The following MRPS18A variants were observed in gnomAD, a reference collection of about 807,000 sequenced individuals.
MRPS18A encodes the protein mitochondrial ribosomal protein S18A.
Under a neutral mutation model 22.7 loss-of-function variants are expected in MRPS18A, and 20 were observed. That is an observed-to-expected ratio of 0.88 (90% CI 0.62 to 1.28). MRPS18A has a LOEUF of 1.28. MRPS18A is among the 50% of genes most tolerant of loss of function. The pLI, the probability that MRPS18A is intolerant of heterozygous loss-of-function variation, is 0.00. For synonymous variants in MRPS18A, 106 were observed against 99.1 expected (o/e 1.07, Z -0.41); for missense variants, 294 against 262.6 (o/e 1.12, Z -0.83).
At chr6:43,674,044 G>A (rs573858363) in intron 5 of MRPS18A, among the ~76,000 whole-genome samples, 2 of 152,346 alleles carry the variant, frequency 1.3e-5, no homozygotes, top group South Asian at 4.1e-4. Flanking sequence ...GAAGAGGTTA[G>A]CATGTCCTGC....
intron 1 of MRPS18A, among the ~76,000 whole-genome samples, chr6:43,681,984 C>T (rs761924095): frequency 3.3e-5 from 5 of 152,216 alleles, no homozygotes; most frequent in Non-Finnish European, 7.3e-5. Flanking sequence ...GAGATACTCC[C>T]GTGTTGACAC....
In MRPS18A at chr6:43,681,241, G is replaced by T. The variant is rs903988326; in HGVS notation, c.113-121C>A. The T allele has an allele frequency of 5.0e-6, 5 of 992,474 alleles. No homozygotes were observed. In the African/African-American group the frequency reaches 6.5e-5, roughly 13 times the overall value. The allele number at this position is 992,474 out of a possible 1,614,324, so 61.5% of individuals were successfully genotyped here. A position where few individuals can be genotyped will look rare whatever the true frequency, so the allele number is the denominator to read the frequency against. ...AGCCTTCCATCTGTACTCTCTCATG[G>T]TCTCCACCTAGAACAGAAAGCATGC... On this transcript the variant is annotated intron_variant, in intron 1 of 5. Coordinates refer to ENST00000372133, the MANE Select transcript of MRPS18A (RefSeq NM_018135.4).
At chr6:43,686,428 C>CT (rs571726954) in intron 1 of MRPS18A, among the ~76,000 whole-genome samples, 42 of 152,252 alleles carry the variant, frequency 2.8e-4, no homozygotes, top group Admixed American at 2.1e-3. Context: ...AATATCCAGA[C>CT]TTTTTTTTCT....
intron 5 of MRPS18A, chr6:43,672,124 G>C: frequency 1.6e-6 from 1 of 607,298 alleles, no homozygotes; most frequent in Non-Finnish European, 2.9e-6. Context: ...TGTGTGGCCA[G>C]GTTCAGGCAG....
intron 5 of MRPS18A, among the ~76,000 whole-genome samples, chr6:43,674,110 G>A (rs1226375462): frequency 6.6e-6 from 1 of 152,212 alleles, no homozygotes; most frequent in Non-Finnish European, 1.5e-5. Context: ...CACAGGTAGA[G>A]ATGGGCACAC....
chr6:43,672,655 C>T (rs1038103607), intron 5 of MRPS18A: 2 of 277,892 alleles, frequency 7.2e-6, no homozygotes, highest in African/African-American at 4.4e-5. Context: ...CAGGAATCCT[C>T]CCCTGCCTCC....
chr6:43,687,645 G>C lies in MRPS18A; in HGVS notation c.112+23C>G, dbSNP rs779127563. The C allele has an allele frequency of 4.3e-6, 5 of 1,174,414 alleles. No individual in the cohort carries two copies. In the African/African-American group the frequency reaches 8.2e-5, roughly 19 times the overall value. The allele number at this position is 1,174,414 out of a possible 1,614,324, so 72.7% of individuals were successfully genotyped here. On this transcript the variant is annotated intron_variant, in intron 1 of 5. Transcript: ENST00000372133. ...TCTGCCGCTCTTCTTAATTTCAGGA[G>C]GTTGCTGGGACGCATGACTCACCTT...
chr6:43,686,209 T>A (rs969077367), intron 1 of MRPS18A, among the ~76,000 whole-genome samples: 2 of 152,258 alleles, frequency 1.3e-5, no homozygotes, highest in Non-Finnish European at 2.9e-5. Context: ...TCTGGAAGCA[T>A]AGCAAAATCT....
chr6:43,682,687 C>G (rs1005993612), intron 1 of MRPS18A, among the ~76,000 whole-genome samples: 2 of 152,176 alleles, frequency 1.3e-5, no homozygotes, highest in Non-Finnish European at 1.5e-5. Flanking sequence ...CAGACCAACC[C>G]AAGAATGGGA....
intron 3 of MRPS18A, among the ~76,000 whole-genome samples, chr6:43,676,580 A>T (rs1397105085): frequency 6.6e-6 from 1 of 152,110 alleles, no homozygotes; most frequent in East Asian, 1.9e-4. Flanking sequence ...AAGACAAGGG[A>T]CCACCTCCCT....
Position 43,671,337 on chromosome 6 carries a change from A to C in MRPS18A, c.*425T>G. 2.5e-6 allele frequency: 1 copy of C among 405,272 alleles called. No homozygotes were observed. Among genetic ancestry groups the C allele is most frequent in the East Asian group, 5.1e-5 (1 of 19,644 alleles). The allele number at this position is 405,272 out of a possible 1,614,324, so 25.1% of individuals were successfully genotyped here. On this transcript the variant is annotated 3_prime_UTR_variant, in exon 6 of 6. Transcript: ENST00000372133. ...AGGATGGGACCTGTTTGGCCCATGA[A>C]TTCAATTGACTCATTGGCCCCATCA...
intron 3 of MRPS18A, among the ~76,000 whole-genome samples, chr6:43,676,916 A>C (rs1403219808): frequency 1.3e-5 from 2 of 152,190 alleles, no homozygotes; most frequent in African/African-American, 4.8e-5. Context: ...ATCCAGGGCT[A>C]ATCAACTGGG....
intron 1 of MRPS18A, among the ~76,000 whole-genome samples, chr6:43,685,105 T>A (rs2127954354): frequency 6.6e-6 from 1 of 152,292 alleles, no homozygotes; most frequent in East Asian, 1.9e-4. Flanking sequence ...TCCAACTCCA[T>A]CACTTATTAG....
chr6:43,682,282 G>C (rs1183157384), intron 1 of MRPS18A, among the ~76,000 whole-genome samples: 2 of 152,178 alleles, frequency 1.3e-5, no homozygotes, highest in Non-Finnish European at 2.9e-5. Flanking sequence ...CTGAGGGACA[G>C]AGCGAGACCC....
At chr6:43,682,643 G>A (rs1273949261) in intron 1 of MRPS18A, among the ~76,000 whole-genome samples, 3 of 152,158 alleles carry the variant, frequency 2.0e-5, no homozygotes, top group African/African-American at 7.2e-5. Flanking sequence ...AAGAAAATGG[G>A]TCACCCCACA....
intron 2 of MRPS18A, among the ~76,000 whole-genome samples, chr6:43,679,374 T>C (rs1774257260): frequency 6.6e-6 from 1 of 152,210 alleles, no homozygotes; most frequent in Non-Finnish European, 1.5e-5. Context: ...GCACTCGTTC[T>C]CTCTTTACAA....
intron 2 of MRPS18A, among the ~76,000 whole-genome samples, chr6:43,680,242 G>GGC (rs1554150901): frequency 3.0e-5 from 3 of 100,262 alleles, no homozygotes; most frequent in Non-Finnish European, 6.2e-5. Flanking sequence ...TAAGGGGATT[G>GGC]GGGGGGGTCC....
intron 3 of MRPS18A, among the ~76,000 whole-genome samples, chr6:43,676,642 G>A (rs1774067517): frequency 6.6e-6 from 1 of 152,162 alleles, no homozygotes; most frequent in African/African-American, 2.4e-5. Context: ...AGGAGTTCGA[G>A]ACCAGCCTGA....
Position 43,671,278 on chromosome 6 carries a change from C to T in MRPS18A, c.*484G>A. The T allele has an allele frequency of 4.1e-6, 2 of 485,614 alleles. No individual in the cohort carries two copies. The highest frequency in any genetic ancestry group is 4.6e-5 in the South Asian group (2 of 43,102). 30.1% of individuals were successfully genotyped at this position (485,614 alleles called of 1,614,324 possible). On this transcript the variant is annotated 3_prime_UTR_variant, in exon 6 of 6. Coordinates refer to ENST00000372133, the MANE Select transcript of MRPS18A (RefSeq NM_018135.4). ...CAGCCCACCTTGGCTCCCTGCAGCT[C>T]TCCCACAGTAAGGAGCTCACAGCTG... is the stretch of plus-strand genomic sequence containing the variant.
Sources: allele counts gnomAD v4.1 joint callset (sites outside exome capture counted in the v4.1 genomes callset), GRCh38; gene constraint gnomAD v4.1.1; transcripts MANE v1.5; gene names NCBI Gene and HGNC (gene_info 2026-07-23, HGNC 2026-07-21).